Variants in PPP1R16B observed in about 807,000 individuals in gnomAD.
PPP1R16B encodes protein phosphatase 1 regulatory inhibitor subunit 16B.
PPP1R16B carries 14 observed loss-of-function variants against 61.7 expected under a neutral mutation model. The observed-to-expected ratio is 0.23, with a 90% confidence interval of 0.15 to 0.35. PPP1R16B has a LOEUF of 0.35. Among genes scored for constraint, PPP1R16B ranks in the 10% least tolerant of loss-of-function variants. The pLI is 1.00. For synonymous variants in PPP1R16B, 266 were observed against 305.3 expected (o/e 0.87, Z 1.34); for missense variants, 547 against 752.5 (o/e 0.73, Z 3.19).
Position 38,836,082 on chromosome 20 carries a change from C to T in PPP1R16B, c.157C>T (p.Arg53Trp). The T allele has an allele frequency of 6.2e-7, 1 of 1,611,642 alleles. No individual in the cohort carries two copies. Among genetic ancestry groups the T allele is most frequent in the Non-Finnish European group, 8.5e-7 (1 of 1,179,580 alleles). Reference protein sequence around the residue: ...DLQHRKRKHERKRSTGGRRKK... With the variant: ...DLQHRKRKHEWKRSTGGRRKK... Reference sequence around the variant, plus strand: ...GCAGCACCGCAAGCGAAAGCATGAGCGGAAGCGCAGCACGGGCGGCCGCCG... The same window carrying T: ...GCAGCACCGCAAGCGAAAGCATGAGTGGAAGCGCAGCACGGGCGGCCGCCG... Residue 53 changes from arginine (R) to tryptophan (W), a missense_variant, in exon 2 of 11, where the codon CGG (arginine) becomes TGG (tryptophan). By Grantham distance (101) the Arg-to-Trp change is moderately radical. Transcript: ENST00000299824.
Position 38,895,718 on chromosome 20 carries a change from C to T in PPP1R16B, c.467+8C>T, listed in dbSNP as rs1410747116. 1 of 1,613,126 alleles carries T rather than the reference C, an allele frequency of 6.2e-7. No individual in the cohort carries two copies. The highest frequency in any genetic ancestry group is 8.5e-7 in the Non-Finnish European group (1 of 1,179,460). ...GAAGATCCTCGTTCAGTAGTACGTG[C>T]CCCTCCCTGCCCCAGAGCAGCCTCC... On this transcript the variant is annotated splice_region_variant and intron_variant, in intron 4 of 10. Coordinates refer to ENST00000299824, the MANE Select transcript of PPP1R16B (RefSeq NM_015568.4).
intron 7 of PPP1R16B, 121 bp downstream of exon 7, chr20:38,906,215 T>C: frequency 4.8e-6 from 5 of 1,033,338 alleles, no homozygotes; most frequent in Non-Finnish European, 6.7e-6. Flanking sequence ...AGGTGTTGAA[T>C]ATAGCTCATA....
At chr20:38,841,521 C>G (rs2084909280) in intron 2 of PPP1R16B, among the ~76,000 whole-genome samples, 1 of 152,120 alleles carries the variant, frequency 6.6e-6, no homozygotes, top group African/African-American at 2.4e-5. Context: ...GAGCAAGACC[C>G]CATCTCAAAA....
At chr20:38,862,634 C>T (rs778700001) in intron 2 of PPP1R16B, among the ~76,000 whole-genome samples, 4 of 152,152 alleles carry the variant, frequency 2.6e-5, no homozygotes, top group African/African-American at 9.7e-5. Flanking sequence ...CTCATCATCC[C>T]GAGAAACCCA....
intron 1 of PPP1R16B, among the ~76,000 whole-genome samples, chr20:38,825,853 T>A (rs1254140703): frequency 6.6e-6 from 1 of 152,210 alleles, no homozygotes; most frequent in East Asian, 1.9e-4. Context: ...AGAACAGAAT[T>A]GCGTACTCAG....
intron 10 of PPP1R16B, among the ~76,000 whole-genome samples, chr20:38,910,091 G>A (rs1402760306): frequency 1.3e-5 from 2 of 151,820 alleles, no homozygotes; most frequent in Non-Finnish European, 2.9e-5. Flanking sequence ...CGATTCTCTT[G>A]CCTCAGCCTC....
intron 6 of PPP1R16B, among the ~76,000 whole-genome samples, chr20:38,903,532 A>ACCATCCATCCAT (rs375386185): frequency 8.9e-5 from 13 of 145,436 alleles, no homozygotes; most frequent in Non-Finnish European, 1.8e-4. Flanking sequence ...GGTCCATCCA[A>ACCATCCATCCAT]CCATCCATCC....
At chr20:38,863,917 C>G (rs1203764511) in intron 2 of PPP1R16B, among the ~76,000 whole-genome samples, 4 of 152,202 alleles carry the variant, frequency 2.6e-5, no homozygotes, top group African/African-American at 9.7e-5. Context: ...CTCACAATCA[C>G]CCCAAAGTGG....
intron 1 of PPP1R16B, among the ~76,000 whole-genome samples, chr20:38,817,821 G>A (rs2084747788): frequency 6.6e-6 from 1 of 152,140 alleles, no homozygotes; most frequent in Non-Finnish European, 1.5e-5. Context: ...GAGGCGGGCG[G>A]ATCACGAGGT....
intron 10 of PPP1R16B, among the ~76,000 whole-genome samples, chr20:38,914,754 AC>A (rs1177199344): frequency 6.6e-6 from 1 of 151,862 alleles, no homozygotes; most frequent in East Asian, 1.9e-4. Flanking sequence ...CTGCAGCCTC[AC>A]CCTCCTGGGC....
At chr20:38,865,719 AG>A (rs2085086192) in intron 2 of PPP1R16B, among the ~76,000 whole-genome samples, 1 of 152,222 alleles carries the variant, frequency 6.6e-6, no homozygotes, top group Non-Finnish European at 1.5e-5. Flanking sequence ...CCATGGCAGT[AG>A]GTGGCAGGGC....
intron 6 of PPP1R16B, among the ~76,000 whole-genome samples, chr20:38,904,884 C>CT (rs2085426560): frequency 6.6e-6 from 1 of 152,208 alleles, no homozygotes; most frequent in South Asian, 2.1e-4. Flanking sequence ...CAGTTGATGT[C>CT]TTTTTGCCTT....
At position 38,895,514 on chromosome 20, in the gene PPP1R16B, C is replaced by T. The variant is rs765172273; in HGVS notation, c.322-51C>T. ...AACCTGGTGTGTCCTGACCAGGGCC[C>T]GGGGCCCAGTGCCCTGCCTGGAGCT... is the stretch of plus-strand genomic sequence containing the variant. On this transcript the variant is annotated intron_variant, in intron 3 of 10. Coordinates refer to ENST00000299824, the MANE Select transcript of PPP1R16B (RefSeq NM_015568.4). 3.7e-5 allele frequency: 59 copies of T among 1,585,698 alleles called. No homozygotes were observed. The East Asian group carries it at 5.1e-4, about 14-fold the overall frequency.
rs1237927167 is a variant in PPP1R16B at position 38,920,199 on chromosome 20, C to T, written c.*1533C>T. 6.5e-6 allele frequency: 1 copy of T among 152,830 alleles called. No individual in the cohort carries two copies. The highest frequency in any genetic ancestry group is 1.5e-5 in the Non-Finnish European group (1 of 68,196). 9.5% of individuals were successfully genotyped at this position (152,830 alleles called of 1,614,324 possible). A position where few individuals can be genotyped will look rare whatever the true frequency, so the allele number is the denominator to read the frequency against. On this transcript the variant is annotated 3_prime_UTR_variant, in exon 11 of 11. Transcript: ENST00000299824. The stretch of plus-strand genomic sequence containing the variant: ...TCACTGCTGAGTCTCCCAGGACCCC[C>T]TTTGGAGATGCCCATGGCATGGGCA...
At chr20:38,812,178 G>C (rs1042750288) in intron 1 of PPP1R16B, among the ~76,000 whole-genome samples, 2 of 152,184 alleles carry the variant, frequency 1.3e-5, no homozygotes, top group African/African-American at 4.8e-5. Context: ...CCAAGCAGGT[G>C]CTTGGGGGCC....
rs145463946 is a variant in PPP1R16B at position 38,874,360 on chromosome 20, T to A, written c.251-15235T>A. On this transcript the variant is annotated intron_variant, in intron 2 of 10. Coordinates refer to ENST00000299824, the MANE Select transcript of PPP1R16B (RefSeq NM_015568.4). ...GCCAGCTAGTAGCTAAACACTTTAC[T>A]CATTCCAGACACTATGGTCAGCACT... Among the ~76,000 whole-genome samples, 497 of 152,266 alleles carry A rather than the reference T, an allele frequency of 3.3e-3. 5 individuals are homozygous for A. Among genetic ancestry groups the A allele is most frequent in the African/African-American group, 0.011 (477 of 41,544 alleles).
At chr20:38,903,081 G>T (rs2085409591) in intron 6 of PPP1R16B, among the ~76,000 whole-genome samples, 1 of 152,168 alleles carries the variant, frequency 6.6e-6, no homozygotes, top group Non-Finnish European at 1.5e-5. Context: ...TTGAGTTTGA[G>T]TTGTGATTGC....
intron 2 of PPP1R16B, among the ~76,000 whole-genome samples, chr20:38,881,845 C>T (rs1485854641): frequency 2.6e-5 from 4 of 152,128 alleles, no homozygotes; most frequent in Admixed American, 6.5e-5. Context: ...TTCTTCTCTC[C>T]GCTGTATATG....
intron 2 of PPP1R16B, among the ~76,000 whole-genome samples, chr20:38,869,886 T>C (rs2085115105): frequency 6.6e-6 from 1 of 151,758 alleles, no homozygotes; most frequent in African/African-American, 2.4e-5. Flanking sequence ...GATGGACCTG[T>C]CTGCCTGCCT....
Sources: gnomAD v4.1 joint callset for allele counts (sites outside exome capture counted in the v4.1 genomes callset) on GRCh38, gnomAD v4.1.1 for gene constraint, MANE v1.5 for transcripts, NCBI Gene and HGNC (gene_info 2026-07-23, HGNC 2026-07-21) for gene names.